Variants in GALNTL6 observed in about 807,000 individuals in gnomAD.
GALNTL6 encodes the protein polypeptide N-acetylgalactosaminyltransferase-like 6.
GALNTL6 carries 46 observed loss-of-function variants against 73.7 expected under a neutral mutation model. The observed-to-expected ratio is 0.62, with a 90% CI of 0.49 to 0.80. The LOEUF is 0.80. Ranked by LOEUF, GALNTL6 falls within the 30% of genes least tolerant of loss-of-function variation. GALNTL6 has a pLI of 0.00. For missense variants in GALNTL6, 604 were observed against 755.0 expected, an observed-to-expected ratio of 0.80 and a Z score of 2.34; for synonymous variants, 259 against 263.7, an observed-to-expected ratio of 0.98 and a Z score of 0.17.
At chr4:171,840,724 T>C (rs79415597) in intron 2 of GALNTL6, among the ~76,000 whole-genome samples, 7,803 of 152,218 alleles carry the variant, frequency 0.051, 404 homozygotes, top group South Asian at 0.25. Context: ...CGTGTAACAA[T>C]ATATAACTTT....
intron 4 of GALNTL6, among the ~76,000 whole-genome samples, chr4:172,344,842 G>A (rs1323425264): frequency 6.6e-6 from 1 of 152,088 alleles, no homozygotes; most frequent in Non-Finnish European, 1.5e-5. Context: ...GAACCCTTAA[G>A]GGAAGAGACT....
At chr4:172,423,656 C>CT (rs1731127350) in intron 5 of GALNTL6, among the ~76,000 whole-genome samples, 2 of 152,088 alleles carry the variant, frequency 1.3e-5, no homozygotes, top group African/African-American at 4.8e-5. Context: ...CCTAATATAT[C>CT]ATGTATTTAC....
At chr4:172,163,318 A>G (rs1182777864) in intron 2 of GALNTL6, among the ~76,000 whole-genome samples, 1 of 152,026 alleles carries the variant, frequency 6.6e-6, no homozygotes, top group Non-Finnish European at 1.5e-5. Flanking sequence ...TTTTAGATAT[A>G]CATAGCAACT....
intron 4 of GALNTL6, among the ~76,000 whole-genome samples, chr4:172,338,211 G>C (rs939267906): frequency 2.0e-5 from 3 of 151,950 alleles, no homozygotes; most frequent in Non-Finnish European, 4.4e-5. Flanking sequence ...ACCTTGTCTT[G>C]AATATCATTC....
chr4:172,053,294 C>T (rs531226816), intron 2 of GALNTL6, among the ~76,000 whole-genome samples: 3 of 151,842 alleles, frequency 2.0e-5, no homozygotes, highest in Non-Finnish European at 4.4e-5. Context: ...AAAAAAAACA[C>T]AATAATACAG....
chr4:172,751,474 G>T (rs1232733931), intron 5 of GALNTL6, among the ~76,000 whole-genome samples: 1 of 152,178 alleles, frequency 6.6e-6, no homozygotes, highest in African/African-American at 2.4e-5. Flanking sequence ...CTCTGTCATT[G>T]TGTGAGATGC....
At chr4:171,903,440 T>A (rs944670204) in intron 2 of GALNTL6, among the ~76,000 whole-genome samples, 1 of 152,050 alleles carries the variant, frequency 6.6e-6, no homozygotes, top group Non-Finnish European at 1.5e-5. Context: ...GCCGAAGGGC[T>A]TAAAAAACGG....
chr4:172,255,983 C>G (rs923303258), intron 3 of GALNTL6, among the ~76,000 whole-genome samples: 4 of 151,452 alleles, frequency 2.6e-5, no homozygotes, highest in African/African-American at 4.8e-5. Context: ...TAGTGCATAT[C>G]TTCCAGTTCT....
chr4:171,959,021 C>T (rs1739138089), intron 2 of GALNTL6, among the ~76,000 whole-genome samples: 2 of 152,084 alleles, frequency 1.3e-5, no homozygotes, highest in Non-Finnish European at 2.9e-5. Flanking sequence ...TATTGTAAAA[C>T]ATGCTTTAGC....
chr4:172,440,166 TACACTC>T (rs1004946661), intron 5 of GALNTL6, among the ~76,000 whole-genome samples: 14 of 152,224 alleles, frequency 9.2e-5, no homozygotes, highest in Non-Finnish European at 1.3e-4. Context: ...GTAGAAAACT[TACACTC>T]ACACAAGAAT....
intron 11 of GALNTL6, among the ~76,000 whole-genome samples, chr4:173,011,405 G>A (rs1408710527): frequency 1.3e-5 from 2 of 152,144 alleles, no homozygotes; most frequent in African/African-American, 2.4e-5. Context: ...CTGTGCTTGG[G>A]GGGTATTACT....
intron 5 of GALNTL6, among the ~76,000 whole-genome samples, chr4:172,624,578 T>C (rs556249311): frequency 6.6e-6 from 1 of 152,074 alleles, no homozygotes; most frequent in African/African-American, 2.4e-5. Flanking sequence ...CATTGACCTC[T>C]AAAGTTTATT....
intron 5 of GALNTL6, among the ~76,000 whole-genome samples, chr4:172,352,012 T>G (rs1395337637): frequency 6.6e-6 from 1 of 152,148 alleles, no homozygotes; most frequent in African/African-American, 2.4e-5. Flanking sequence ...AAAGCCAATA[T>G]TTTAGACATG....
At chr4:172,003,353 C>T (rs1458411264) in intron 2 of GALNTL6, among the ~76,000 whole-genome samples, 2 of 152,032 alleles carry the variant, frequency 1.3e-5, no homozygotes, top group Admixed American at 6.6e-5. Flanking sequence ...GAACATCATA[C>T]ACAATTATTT....
intron 9 of GALNTL6, among the ~76,000 whole-genome samples, chr4:172,949,270 C>T (rs1749321342): frequency 6.6e-6 from 1 of 152,262 alleles, no homozygotes; most frequent in African/African-American, 2.4e-5. Context: ...TAGATCTATC[C>T]CTAACTTCAT....
At chr4:172,768,047 AC>A (rs1283774042) in intron 5 of GALNTL6, among the ~76,000 whole-genome samples, 4 of 152,294 alleles carry the variant, frequency 2.6e-5, no homozygotes, top group African/African-American at 9.6e-5. Flanking sequence ...CATACCCGCC[AC>A]CAAGGCATTT....
intron 7 of GALNTL6, among the ~76,000 whole-genome samples, chr4:172,867,697 A>C (rs1744728640): frequency 6.6e-6 from 1 of 152,240 alleles, no homozygotes; most frequent in African/African-American, 2.4e-5. Flanking sequence ...ATCAGGCTTC[A>C]TCACATGGCC....
chr4:172,372,864 T>G (rs918507521), intron 5 of GALNTL6, among the ~76,000 whole-genome samples: 16 of 152,190 alleles, frequency 1.1e-4, no homozygotes, highest in Non-Finnish European at 2.4e-4. Flanking sequence ...ACTGTTTTAA[T>G]GTCTTAGGGC....
chr4:172,301,067 T>C (rs529054252), intron 3 of GALNTL6, among the ~76,000 whole-genome samples: 2 of 152,292 alleles, frequency 1.3e-5, no homozygotes, highest in African/African-American at 4.8e-5. Context: ...TGTTCGTTTC[T>C]TTTTATTCTT....
Sources: allele counts gnomAD v4.1 joint callset (sites outside exome capture counted in the v4.1 genomes callset), GRCh38; gene constraint gnomAD v4.1.1; transcripts MANE v1.5; gene names NCBI Gene and HGNC (gene_info 2026-07-23, HGNC 2026-07-21).